DEPDC1B: variants seen among roughly 807,000 people sequenced by gnomAD.
The protein encoded by DEPDC1B is DEP domain containing 1B.
In DEPDC1B, 51 loss-of-function variants were observed where a neutral mutation model predicts 66.5. The observed-to-expected ratio is 0.77, with a 90% CI of 0.61 to 0.97. The LOEUF (loss-of-function observed/expected upper bound fraction) is 0.97. Among genes scored for constraint, DEPDC1B ranks in the 50% least tolerant of loss-of-function variants. The pLI, the probability that DEPDC1B is intolerant of heterozygous loss-of-function variation, is 0.00. For synonymous variants in DEPDC1B, 226 were observed against 223.6 expected, an observed-to-expected ratio of 1.01 and a Z score of -0.10; for missense variants, 552 against 637.1, an observed-to-expected ratio of 0.87 and a Z score of 1.44.
In DEPDC1B at chr5:60,667,747, T is replaced by TTACATATATATAAAAAATGGATATTA. The variant is rs1561384055; in HGVS notation, c.314+19214_314+19215insTAATATCCATTTTTTATATATATGTA. Among the ~76,000 whole-genome samples, 86 of 107,438 alleles carry TTACATATATATAAAAAATGGATATTA rather than the reference T, an allele frequency of 8.0e-4. 7 individuals carry two copies. The highest frequency in any genetic ancestry group is 1.3e-3 in the Non-Finnish European group (66 of 49,406). The allele number at this position is 107,438 out of a possible 152,430, so 70.5% of individuals were successfully genotyped here. A position where few individuals can be genotyped will look rare whatever the true frequency, so the allele number is the denominator to read the frequency against. ...TACATATATATAAAAAATGGATATT[T>TTACATATATATAAAAAATGGATATTA]TACATATATATAAAAAATGGATATT... On this transcript the variant is annotated intron_variant, in intron 2 of 10. Transcript: ENST00000265036.
At chr5:60,694,381 A>C (rs1754612509) in intron 1 of DEPDC1B, among the ~76,000 whole-genome samples, 1 of 152,170 alleles carries the variant, frequency 6.6e-6, no homozygotes, top group African/African-American at 2.4e-5. Flanking sequence ...TGCCCAGTTC[A>C]ATTTTTACAA....
chr5:60,643,921 A>G (rs995145793), intron 5 of DEPDC1B, among the ~76,000 whole-genome samples: 1 of 152,094 alleles, frequency 6.6e-6, no homozygotes, highest in African/African-American at 2.4e-5. Flanking sequence ...CCCTCTCACC[A>G]CTGCTCAGGC....
chr5:60,599,322 A>C (rs1752157555), intron 9 of DEPDC1B, 62 bp from the exon 10 acceptor site: 1 of 1,326,360 alleles, frequency 7.5e-7, no homozygotes. Context: ...TATAAGAATT[A>C]GTTTAGATCA....
Position 60,599,109 on chromosome 5 carries a change from A to G in DEPDC1B, c.1394T>C (p.Leu465Pro). ...TTTCTTCTTTTTCTCTTTGTTGGAG[A>G]GTTTGGCATCTGTTATGACTTCCTC... ...LLEEVITDAK[L>P]SNKEKKKKLK... Residue 465 changes from leucine (L) to proline (P), a missense_variant, in exon 10 of 11, where the codon CTC becomes CCC. Physicochemically the swap from Leu to Pro is moderately conservative, Grantham distance 98 (BLOSUM62 -3). Coordinates refer to ENST00000265036, the MANE Select transcript of DEPDC1B (RefSeq NM_018369.3). 6.2e-7 allele frequency: 1 copy of G among 1,603,626 alleles called. No individual in the cohort carries two copies. Among genetic ancestry groups the G allele is most frequent in the Non-Finnish European group, 8.5e-7 (1 of 1,176,678 alleles).
At chr5:60,680,898 T>C (rs561697103) in intron 2 of DEPDC1B, among the ~76,000 whole-genome samples, 9 of 152,376 alleles carry the variant, frequency 5.9e-5, no homozygotes, top group Middle Eastern at 3.4e-3. Context: ...CAGCCTGGCA[T>C]AGGCTTCAGA....
intron 7 of DEPDC1B, among the ~76,000 whole-genome samples, chr5:60,611,391 C>T (rs1752411627): frequency 6.6e-6 from 1 of 152,148 alleles, no homozygotes; most frequent in East Asian, 1.9e-4. Context: ...ATTAATAACC[C>T]TACAATGGCC....
chr5:60,691,609 C>CA (rs879705856), intron 1 of DEPDC1B, among the ~76,000 whole-genome samples: 96 of 146,442 alleles, frequency 6.6e-4, no homozygotes, highest in African/African-American at 2.2e-3. Flanking sequence ...CCAAACAAAA[C>CA]AAAAAAAATC....
intron 5 of DEPDC1B, 122 bp downstream of exon 5, chr5:60,644,623 G>C (rs576994140): frequency 1.3e-6 from 1 of 741,914 alleles, no homozygotes; most frequent in African/African-American, 1.8e-5. Flanking sequence ...GTATTAGAAA[G>C]AATATACGTA....
chr5:60,682,642 A>T (rs1417250906), intron 2 of DEPDC1B, among the ~76,000 whole-genome samples: 2 of 152,184 alleles, frequency 1.3e-5, no homozygotes, highest in Non-Finnish European at 2.9e-5. Flanking sequence ...AAAGGCATAG[A>T]AAACCTATTT....
At chr5:60,625,205 T>C (rs1179714030) in intron 7 of DEPDC1B, among the ~76,000 whole-genome samples, 2 of 152,174 alleles carry the variant, frequency 1.3e-5, no homozygotes, top group African/African-American at 2.4e-5. Flanking sequence ...GCAATAAACA[T>C]ACGTGTGCAT....
chr5:60,640,108 T>C (rs1025257913), intron 6 of DEPDC1B, among the ~76,000 whole-genome samples: 2 of 152,236 alleles, frequency 1.3e-5, no homozygotes, highest in Admixed American at 6.5e-5. Context: ...TGTTCTCTTC[T>C]TATAAAATAA....
chr5:60,603,695 C>A, intron 8 of DEPDC1B, 128 bp from the exon 9 acceptor site: 1 of 913,820 alleles, frequency 1.1e-6, no homozygotes, highest in East Asian at 2.9e-5. Context: ...CCAAGAGTAC[C>A]CAGCCATCTC....
rs1047508595 is a variant in DEPDC1B at position 60,655,919 on chromosome 5, T to C, written c.315-8386A>G. ...GTTATTTAATTTCCATGTCTTTGCA[T>C]GGCTTTGAGGGTTCCTTTTGGAGTT... On this transcript the variant is annotated intron_variant, in intron 2 of 10. Coordinates refer to ENST00000265036, the MANE Select transcript of DEPDC1B (RefSeq NM_018369.3). Among the ~76,000 whole-genome samples, 18 of 149,058 alleles carry C rather than the reference T, an allele frequency of 1.2e-4. 2 individuals are homozygous for C. The highest frequency in any genetic ancestry group is 4.6e-4 in the African/African-American group (18 of 39,490).
intron 1 of DEPDC1B, among the ~76,000 whole-genome samples, chr5:60,693,116 T>G (rs1271774600): frequency 2.6e-5 from 4 of 152,146 alleles, no homozygotes; most frequent in African/African-American, 7.2e-5. Context: ...TTTATACAAC[T>G]CAACAAATTT....
chr5:60,633,061 T>C (rs1458608579), intron 7 of DEPDC1B, among the ~76,000 whole-genome samples: 1 of 152,204 alleles, frequency 6.6e-6, no homozygotes, highest in Non-Finnish European at 1.5e-5. Flanking sequence ...TTTGTGTGTA[T>C]CTGAACTTCA....
chr5:60,643,158 A>T (rs939778275), intron 5 of DEPDC1B, among the ~76,000 whole-genome samples: 2 of 152,244 alleles, frequency 1.3e-5, no homozygotes, highest in Non-Finnish European at 2.9e-5. Context: ...AAACAAACCA[A>T]AAGACAAACC....
In DEPDC1B at chr5:60,647,556, C is replaced by G. The variant is rs377124783; in HGVS notation, c.315-23G>C. On this transcript the variant is annotated intron_variant, in intron 2 of 10. Transcript: ENST00000265036. ...AATCTAAAACCCAAGAAGAAATTCT[C>G]TATTACTGCAGTCAGTGGGAGACAC... The G allele has an allele frequency of 5.6e-6, 9 of 1,609,262 alleles. No homozygotes were observed. In the African/African-American group the frequency reaches 8.0e-5, roughly 14 times the overall value.
chr5:60,692,734 T>C (rs1754575251), intron 1 of DEPDC1B, among the ~76,000 whole-genome samples: 1 of 152,142 alleles, frequency 6.6e-6, no homozygotes, highest in Admixed American at 6.5e-5. Flanking sequence ...ATAATGGCAC[T>C]ATCCATAATA....
rs1306866824 is a variant in DEPDC1B, at chr5:60,645,484, G to A, written c.578+8C>T. The A allele has an allele frequency of 1.3e-6, 2 of 1,598,628 alleles. No individual in the cohort carries two copies. The highest frequency in any genetic ancestry group is 2.7e-5 in the African/African-American group (2 of 74,284). On this transcript the variant is annotated splice_region_variant and intron_variant, in intron 4 of 10. Coordinates refer to ENST00000265036, the MANE Select transcript of DEPDC1B (RefSeq NM_018369.3). The stretch of plus-strand genomic sequence containing the variant: ...CTAAAATTTCTCATTAATATCAAAT[G>A]TACATACTATGATAATGTCATAGAC...
Sources: allele counts gnomAD v4.1 joint callset (sites outside exome capture counted in the v4.1 genomes callset), GRCh38; gene constraint gnomAD v4.1.1; transcripts MANE v1.5; gene names NCBI Gene and HGNC (gene_info 2026-07-23, HGNC 2026-07-21).